The following DTD1 variants were observed in gnomAD, a reference collection of about 807,000 sequenced individuals.
The protein encoded by DTD1 is D-tyrosyl-tRNA deacylase 1 homolog.
Under a neutral mutation model 25.6 loss-of-function variants are expected in DTD1, and 13 were observed. The observed-to-expected ratio is 0.51, with a 90% confidence interval of 0.33 to 0.81. The LOEUF (loss-of-function observed/expected upper bound fraction) is 0.81. DTD1 is among the 30% of genes least tolerant of loss of function. The pLI is 0.02. For missense variants in DTD1, 193 were observed against 266.4 expected, an observed-to-expected ratio of 0.72 and a Z score of 1.92; for synonymous variants, 110 against 103.6, an observed-to-expected ratio of 1.06 and a Z score of -0.37.
intron 4 of DTD1, among the ~76,000 whole-genome samples, chr20:18,726,497 C>T (rs2061222936): frequency 6.6e-6 from 1 of 152,072 alleles, no homozygotes. Flanking sequence ...CATAATTCAG[C>T]CTGTCACTCA....
At chr20:18,689,942 GCC>G (rs1568670010) in intron 4 of DTD1, among the ~76,000 whole-genome samples, 86 of 11,350 alleles carry the variant, frequency 7.6e-3, no homozygotes, top group Non-Finnish European at 0.017. Context: ...TTAAAGACCA[GCC>G]TGGGGCAACT....
intron 4 of DTD1, among the ~76,000 whole-genome samples, chr20:18,688,162 C>G (rs2122427743): frequency 6.6e-6 from 1 of 152,278 alleles, no homozygotes; most frequent in Admixed American, 6.5e-5. Context: ...CCTTGGTTCT[C>G]AGAAGATGTT....
At chr20:18,744,655 A>AAAAAAC (rs10632823) in intron 5 of DTD1, among the ~76,000 whole-genome samples, 3,825 of 119,662 alleles carry the variant, frequency 0.032, 338 homozygotes, top group African/African-American at 0.065. Context: ...AAAACAAAAA[A>AAAAAAC]CAAGTGAAAG....
At chr20:18,728,044 A>T (rs1382366066) in intron 4 of DTD1, among the ~76,000 whole-genome samples, 1 of 151,986 alleles carries the variant, frequency 6.6e-6, no homozygotes, top group Non-Finnish European at 1.5e-5. Context: ...GAACATTGTG[A>T]GTGTGTGGGA....
At chr20:18,636,946 G>C (rs2060809805) in intron 4 of DTD1, among the ~76,000 whole-genome samples, 1 of 152,224 alleles carries the variant, frequency 6.6e-6, no homozygotes, top group African/African-American at 2.4e-5. Flanking sequence ...GGCCCACCCA[G>C]GTTTTCTGAG....
chr20:18,673,898 CTA>C (rs1483212656), intron 4 of DTD1, among the ~76,000 whole-genome samples: 4 of 148,334 alleles, frequency 2.7e-5, no homozygotes, highest in East Asian at 2.0e-4. Context: ...AAATAAAACC[CTA>C]TGTTAGTTTT....
At chr20:18,726,050 A>G (rs2061221299) in intron 4 of DTD1, among the ~76,000 whole-genome samples, 1 of 152,226 alleles carries the variant, frequency 6.6e-6, no homozygotes, top group African/African-American at 2.4e-5. Context: ...GTTTTGTTAT[A>G]GAAGAGGGAA....
intron 3 of DTD1, among the ~76,000 whole-genome samples, chr20:18,603,964 C>CA (rs1247926483): frequency 5.6e-5 from 1 of 17,948 alleles, no homozygotes; most frequent in African/African-American, 1.9e-4. Flanking sequence ...AAAAACCCTT[C>CA]AAAAAATCAA....
In DTD1 at chr20:18,666,607, C is replaced by T. The variant is rs564910748; in HGVS notation, c.477+38374C>T. On this transcript the variant is annotated intron_variant, in intron 4 of 5. Transcript: ENST00000377452. ...AAATCTGGCAACCCTATTTGGAATT[C>T]TTCTGTAAGAAAGATTTGTCTCTTT... Among the ~76,000 whole-genome samples, 5 of 152,226 alleles carry T rather than the reference C, an allele frequency of 3.3e-5. No individual in the cohort carries two copies. The South Asian group carries it at 6.2e-4, about 19-fold the overall frequency.
At chr20:18,703,550 A>G (rs1600380157) in intron 4 of DTD1, among the ~76,000 whole-genome samples, 2 of 150,998 alleles carry the variant, frequency 1.3e-5, no homozygotes, top group South Asian at 4.3e-4. Context: ...CATTTTTCTT[A>G]AACTTTCTCG....
intron 4 of DTD1, among the ~76,000 whole-genome samples, chr20:18,693,427 C>A (rs771397660): frequency 6.6e-6 from 1 of 151,854 alleles, no homozygotes; most frequent in Non-Finnish European, 1.5e-5. Context: ...GAGGCTGAGG[C>A]GGGTAGATCA....
At chr20:18,654,087 A>G (rs1262236750) in intron 4 of DTD1, among the ~76,000 whole-genome samples, 1 of 152,162 alleles carries the variant, frequency 6.6e-6, no homozygotes, top group East Asian at 1.9e-4. Context: ...AACAAATAAA[A>G]CTCCAGAATT....
At chr20:18,741,708 T>C (rs562519470) in intron 4 of DTD1, among the ~76,000 whole-genome samples, 79 of 151,948 alleles carry the variant, frequency 5.2e-4, no homozygotes, top group Non-Finnish European at 9.1e-4. Flanking sequence ...TTTTCAAGAT[T>C]TATCTATTTT....
intron 3 of DTD1, among the ~76,000 whole-genome samples, chr20:18,623,299 C>A (rs2060743861): frequency 6.6e-6 from 1 of 151,992 alleles, no homozygotes; most frequent in Non-Finnish European, 1.5e-5. Context: ...CATTAATTTT[C>A]TCATGTCTTT....
intron 4 of DTD1, among the ~76,000 whole-genome samples, chr20:18,734,555 A>C (rs980144568): frequency 6.6e-6 from 1 of 152,230 alleles, no homozygotes; most frequent in East Asian, 1.9e-4. Context: ...TGCCTTCCAG[A>C]AGTTTCTGTG....
At chr20:18,636,628 G>A (rs1225476187) in intron 4 of DTD1, among the ~76,000 whole-genome samples, 1 of 152,158 alleles carries the variant, frequency 6.6e-6, no homozygotes, top group Non-Finnish European at 1.5e-5. Context: ...TGGGTCAGTG[G>A]GGTGTGAGTT....
chr20:18,741,921 T>A (rs1318637800), intron 4 of DTD1, among the ~76,000 whole-genome samples: 1 of 116,544 alleles, frequency 8.6e-6, no homozygotes, highest in Non-Finnish European at 1.8e-5. Context: ...TTTTTTTTTG[T>A]AGAGACAGGG....
intron 4 of DTD1, among the ~76,000 whole-genome samples, chr20:18,668,985 A>C (rs1185543492): frequency 6.6e-6 from 1 of 152,218 alleles, no homozygotes; most frequent in Non-Finnish European, 1.5e-5. Context: ...CAGAACAGGC[A>C]TATCTGAGAG....
chr20:18,678,022 T>A (rs1233590215), intron 4 of DTD1, among the ~76,000 whole-genome samples: 9 of 152,228 alleles, frequency 5.9e-5, no homozygotes. Flanking sequence ...GAAATGCAGG[T>A]TTCACTGAGA....
Sources: gnomAD v4.1 joint callset for allele counts (sites outside exome capture counted in the v4.1 genomes callset) on GRCh38, gnomAD v4.1.1 for gene constraint, MANE v1.5 for transcripts, NCBI Gene and HGNC (gene_info 2026-07-23, HGNC 2026-07-21) for gene names.